Variants in SDCBP observed in about 807,000 individuals in gnomAD.
SDCBP encodes the protein syntenin-1.
A neutral mutation model predicts 30.5 loss-of-function variants in SDCBP; 22 were observed. That is an observed-to-expected ratio of 0.72 (90% CI 0.52 to 1.03). The LOEUF (loss-of-function observed/expected upper bound fraction) is 1.03. Ranked by LOEUF, SDCBP falls within the 50% of genes least tolerant of loss-of-function variation. The pLI, the probability that SDCBP is intolerant of heterozygous loss-of-function variation, is 0.00. For missense variants in SDCBP, 304 were observed against 369.9 expected (o/e 0.82, Z 1.46); for synonymous variants, 103 against 118.7 (o/e 0.87, Z 0.86).
chr8:58,563,185 A>G (rs1462353218), intron 1 of SDCBP, among the ~76,000 whole-genome samples: 1 of 152,226 alleles, frequency 6.6e-6, no homozygotes, highest in Non-Finnish European at 1.5e-5. Context: ...AAATAACCCA[A>G]ATGTCATCAG....
rs527753119 is a variant in SDCBP at position 58,582,327 on chromosome 8, C to T, written c.*587C>T. 6.5e-6 allele frequency: 1 copy of T among 152,822 alleles called. No individual in the cohort carries two copies. The highest frequency in any genetic ancestry group is 2.4e-5 in the African/African-American group (1 of 41,550). 9.5% of individuals were successfully genotyped at this position (152,822 alleles called of 1,614,324 possible). A position where few individuals can be genotyped will look rare whatever the true frequency, so the allele number is the denominator to read the frequency against. On this transcript the variant is annotated 3_prime_UTR_variant, in exon 9 of 9. Coordinates refer to ENST00000260130, the MANE Select transcript of SDCBP (RefSeq NM_005625.4). Reference sequence around the variant, plus strand: ...ACTACCTTCACTTAATATGCTTGAACTGTCGCCTTAACTATGTTAAGCATC... The same window carrying T: ...ACTACCTTCACTTAATATGCTTGAATTGTCGCCTTAACTATGTTAAGCATC...
chr8:58,557,355 G>T (rs1389045747), intron 1 of SDCBP, among the ~76,000 whole-genome samples: 21 of 122,784 alleles, frequency 1.7e-4, no homozygotes, highest in African/African-American at 4.4e-4. Context: ...AAAATATATA[G>T]ATATATAAAA....
At chr8:58,558,932 G>T (rs997412312) in intron 1 of SDCBP, among the ~76,000 whole-genome samples, 1 of 152,174 alleles carries the variant, frequency 6.6e-6, no homozygotes. Flanking sequence ...TACGTGGAAA[G>T]AAATTTAATG....
intron 4 of SDCBP, among the ~76,000 whole-genome samples, chr8:58,573,807 G>C (rs1805173877): frequency 6.6e-6 from 1 of 152,160 alleles, no homozygotes; most frequent in African/African-American, 2.4e-5. Context: ...ATTTGGAGCT[G>C]ACAAACAGTA....
chr8:58,575,556 C>T (rs1348273056), intron 4 of SDCBP, among the ~76,000 whole-genome samples: 1 of 152,148 alleles, frequency 6.6e-6, no homozygotes, highest in Non-Finnish European at 1.5e-5. Flanking sequence ...ATCGTGACAT[C>T]ATGAACCGTC....
Position 58,581,733 on chromosome 8 carries a change from A to C in SDCBP, c.890A>C (p.Glu297Ala). The change falls in exon 9 of 9, where the codon GAG becomes GCG. Residue 297 changes from glutamate (E) to alanine (A), a missense_variant. Coordinates refer to ENST00000260130, the MANE Select transcript of SDCBP (RefSeq NM_005625.4). ...AGCCTAATGGACCACACCATTCCTGAGGTTTAAAATTCACGGCACCATGGA... is the reference window on the plus strand; with the variant it reads ...AGCCTAATGGACCACACCATTCCTGCGGTTTAAAATTCACGGCACCATGGA... ...MKSLMDHTIP[E>A]V 1 of 1,612,020 alleles carries C rather than the reference A, an allele frequency of 6.2e-7. No individual in the cohort carries two copies. The highest frequency in any genetic ancestry group is 8.5e-7 in the Non-Finnish European group (1 of 1,179,114).
intron 6 of SDCBP, chr8:58,578,440 A>G (rs1019298826): frequency 6.7e-5 from 23 of 344,592 alleles, no homozygotes; most frequent in African/African-American, 4.3e-4. Flanking sequence ...GAAAATAGAA[A>G]ACGTATGTTG....
At chr8:58,557,128 G>T (rs1804168762) in intron 1 of SDCBP, among the ~76,000 whole-genome samples, 2 of 116,770 alleles carry the variant, frequency 1.7e-5, no homozygotes. Context: ...ATACAATATA[G>T]TATATATTAT....
Position 58,562,074 on chromosome 8 carries a change from TA to T in SDCBP, c.-15-2934del, listed in dbSNP as rs201931443. On this transcript the variant is annotated intron_variant, in intron 1 of 8. Transcript: ENST00000260130. ...AAATAAGGAATCAAAGCATATCTAT[TA>T]AAAAAAAAAACAGTGAAACAAAAAG... is the stretch of plus-strand genomic sequence containing the variant. Among the ~76,000 whole-genome samples the T allele has an allele frequency of 3.0e-3, 425 of 143,748 alleles. 3 individuals carry two copies. The highest frequency in any genetic ancestry group is 4.9e-3 in the African/African-American group (192 of 39,368). The allele number at this position is 143,748 out of a possible 152,430, so 94.3% of individuals were successfully genotyped here.
At chr8:58,573,631 G>T (rs548155963) in intron 4 of SDCBP, among the ~76,000 whole-genome samples, 4 of 152,140 alleles carry the variant, frequency 2.6e-5, no homozygotes, top group Non-Finnish European at 5.9e-5. Context: ...GTTGCAGACT[G>T]GAACCAACTG....
chr8:58,564,717 C>T (rs1331359116), intron 1 of SDCBP, among the ~76,000 whole-genome samples: 1 of 152,156 alleles, frequency 6.6e-6, no homozygotes, highest in Non-Finnish European at 1.5e-5. Context: ...GAGTAAGTCA[C>T]ATAACTATTC....
chr8:58,570,750 GT>G, intron 2 of SDCBP, 136 bp from the exon 3 acceptor site: 2 of 614,730 alleles, frequency 3.3e-6, no homozygotes, highest in Non-Finnish European at 2.9e-6. Context: ...TTGCTGATGT[GT>G]TTGAAATTAA....
At position 58,579,938 on chromosome 8, in the gene SDCBP, C is replaced by T. The variant is rs140846868; in HGVS notation, c.750+144C>T. Reference sequence around the variant, plus strand: ...CTGAACTCTTGGTCTGGCCAGTCACCGGAATTATTTGGGCTGTCATCTAGA... The same window carrying T: ...CTGAACTCTTGGTCTGGCCAGTCACTGGAATTATTTGGGCTGTCATCTAGA... On this transcript the variant is annotated intron_variant, in intron 7 of 8. Transcript: ENST00000260130. 4.9e-4 allele frequency: 320 copies of T among 652,996 alleles called. No individual in the cohort carries two copies. In the African/African-American group the frequency reaches 5.5e-3, roughly 11 times the overall value. The allele number at this position is 652,996 out of a possible 1,614,324, so 40.5% of individuals were successfully genotyped here.
Position 58,582,029 on chromosome 8 carries a change from G to C in SDCBP, c.*289G>C, listed in dbSNP as rs1337817936. On this transcript the variant is annotated 3_prime_UTR_variant, in exon 9 of 9. Coordinates refer to ENST00000260130, the MANE Select transcript of SDCBP (RefSeq NM_005625.4). ...ACCTGATGCTTTTATAAGCCATTGT[G>C]ATTAGGATGACTGTTACAGGCTTAG... 2.5e-6 allele frequency: 1 copy of C among 392,490 alleles called. No individual in the cohort carries two copies. Among genetic ancestry groups the C allele is most frequent in the Non-Finnish European group, 4.7e-6 (1 of 213,504 alleles). The allele number at this position is 392,490 out of a possible 1,614,324, so 24.3% of individuals were successfully genotyped here.
intron 1 of SDCBP, among the ~76,000 whole-genome samples, chr8:58,553,731 C>T (rs77215047): frequency 0.017 from 2,628 of 152,342 alleles, 35 homozygotes; most frequent in African/African-American, 0.037. Context: ...CACGGTTCCT[C>T]CCAGTGCTCG....
rs988282324 is a variant in SDCBP, at chr8:58,579,501, G to A, written c.579-122G>A. 15 of 637,030 alleles carry A rather than the reference G, an allele frequency of 2.4e-5. No homozygotes were observed. In the African/African-American group the frequency reaches 2.5e-4, roughly 10 times the overall value. The allele number at this position is 637,030 out of a possible 1,614,324, so 39.5% of individuals were successfully genotyped here. On this transcript the variant is annotated intron_variant, in intron 6 of 8. Transcript: ENST00000260130. ...ATGTATAAAATCAGAGCCATAAGTT[G>A]CTCTTATTAGAAACAGTGTTTATTA...
chr8:58,575,051 C>A (rs1805245573), intron 4 of SDCBP, among the ~76,000 whole-genome samples: 1 of 152,166 alleles, frequency 6.6e-6, no homozygotes, highest in Non-Finnish European at 1.5e-5. Context: ...CCCCTGACAA[C>A]CTTCCTTCTA....
At chr8:58,576,165 A>G (rs2129608234) in intron 5 of SDCBP, 104 bp downstream of exon 5, 2 of 834,810 alleles carry the variant, frequency 2.4e-6, no homozygotes, top group Non-Finnish European at 3.7e-6. Flanking sequence ...ATAATAGTGC[A>G]TCTGTAGTTG....
intron 1 of SDCBP, chr8:58,560,810 A>G (rs187282130): frequency 6.6e-6 from 1 of 152,276 alleles, no homozygotes; most frequent in Admixed American, 6.5e-5. Flanking sequence ...GAGGGGTGAT[A>G]TTTTTTCAAA....
Sources: allele counts gnomAD v4.1 joint callset (sites outside exome capture counted in the v4.1 genomes callset), GRCh38; gene constraint gnomAD v4.1.1; transcripts MANE v1.5; gene names NCBI Gene and HGNC (gene_info 2026-07-23, HGNC 2026-07-21).